CAMTA1: variants seen among roughly 807,000 people sequenced by gnomAD.
The protein encoded by CAMTA1 is calmodulin binding transcription activator 1.
Under a neutral mutation model 170.9 loss-of-function variants are expected in CAMTA1, and 27 were observed. The observed-to-expected ratio is 0.16, with a 90% CI of 0.12 to 0.22. The LOEUF is 0.22. Among genes scored for constraint, CAMTA1 ranks in the 10% least tolerant of loss-of-function variants. CAMTA1 has a pLI of 1.00. For missense variants in CAMTA1, 1,619 were observed against 2,217.2 expected (o/e 0.73, Z 5.42); for synonymous variants, 833 against 891.5 (o/e 0.93, Z 1.17).
intron 3 of CAMTA1, among the ~76,000 whole-genome samples, chr1:6,906,975 C>T (rs936225517): frequency 6.6e-6 from 1 of 152,208 alleles, no homozygotes; most frequent in Admixed American, 6.5e-5. Flanking sequence ...TCCCATCCCC[C>T]GCGTCCCAGC....
intron 6 of CAMTA1, among the ~76,000 whole-genome samples, chr1:7,498,191 A>AGTGAGTGTTGGT (rs112193369): frequency 6.7e-6 from 1 of 148,516 alleles, no homozygotes; most frequent in African/African-American, 2.5e-5. Context: ...TATGAGAGTG[A>AGTGAGTGTTGGT]GTGTGTGTGT....
At chr1:6,985,145 G>A (rs1457686204) in intron 3 of CAMTA1, among the ~76,000 whole-genome samples, 2 of 152,232 alleles carry the variant, frequency 1.3e-5, no homozygotes, top group Non-Finnish European at 2.9e-5. Flanking sequence ...CTGCCCATTT[G>A]GAGCTGTGAG....
intron 3 of CAMTA1, among the ~76,000 whole-genome samples, chr1:6,895,274 A>G (rs1235591661): frequency 6.6e-6 from 1 of 152,230 alleles, no homozygotes; most frequent in African/African-American, 2.4e-5. Flanking sequence ...AGTTCAAGCC[A>G]GAATCTCAGG....
At chr1:6,877,834 T>A (rs184297174) in intron 3 of CAMTA1, among the ~76,000 whole-genome samples, 1 of 152,232 alleles carries the variant, frequency 6.6e-6, no homozygotes. Context: ...GTCACTCTTT[T>A]GTAATGGTGG....
chr1:7,218,321 C>T lies in CAMTA1; in HGVS notation c.303-31170C>T, dbSNP rs551240058. ...ATGGTTGGGATTTTGGGGTAAGTGT[C>T]GTATTCTCATTTTAGTTTTTTTTCT... On this transcript the variant is annotated intron_variant, in intron 4 of 22. Transcript: ENST00000303635. Among the ~76,000 whole-genome samples, 7 of 152,212 alleles carry T rather than the reference C, an allele frequency of 4.6e-5. No homozygotes were observed. In the South Asian group the frequency reaches 1.0e-3, roughly 23 times the overall value.
intron 3 of CAMTA1, among the ~76,000 whole-genome samples, chr1:6,862,584 C>A (rs558078614): frequency 6.6e-5 from 10 of 152,282 alleles, no homozygotes; most frequent in African/African-American, 1.9e-4. Flanking sequence ...GCCAAACCTT[C>A]TTTCTTAGAT....
rs2095863789 is a variant in CAMTA1 at position 7,654,047 on chromosome 1, G to A, written c.665-7679G>A. Among the ~76,000 whole-genome samples, 3 of 152,154 alleles carry A rather than the reference G, an allele frequency of 2.0e-5. No individual in the cohort carries two copies. In the South Asian group the frequency reaches 6.2e-4, roughly 31 times the overall value. The stretch of plus-strand genomic sequence containing the variant: ...GGCCTGAGAATGAGCCAGAGGCGGG[G>A]GCTTGAGCTGGGCTGTGCTGGAAAG... On this transcript the variant is annotated intron_variant, in intron 7 of 22. Transcript: ENST00000303635.
intron 3 of CAMTA1, among the ~76,000 whole-genome samples, chr1:6,913,412 C>A (rs907837688): frequency 5.9e-5 from 9 of 152,160 alleles, no homozygotes; most frequent in African/African-American, 2.2e-4. Context: ...GGCCCTCCAG[C>A]CTTGTTGGGG....
At chr1:7,652,837 G>A (rs2095856453) in intron 7 of CAMTA1, among the ~76,000 whole-genome samples, 1 of 152,212 alleles carries the variant, frequency 6.6e-6, no homozygotes, top group South Asian at 2.1e-4. Flanking sequence ...TGAAAGCCAG[G>A]CAGGTCGCCC....
At chr1:7,095,864 A>C (rs890764000) in intron 4 of CAMTA1, among the ~76,000 whole-genome samples, 2 of 152,254 alleles carry the variant, frequency 1.3e-5, no homozygotes, top group African/African-American at 4.8e-5. Context: ...GGACAGGCAG[A>C]CAGCTGCAAA....
intron 5 of CAMTA1, among the ~76,000 whole-genome samples, chr1:7,457,469 GA>G (rs1409938462): frequency 1.3e-5 from 2 of 152,050 alleles, no homozygotes; most frequent in Non-Finnish European, 2.9e-5. Flanking sequence ...CCTCCTAGGG[GA>G]CTACTAGGTT....
Position 7,552,057 on chromosome 1 carries a change from A to G in CAMTA1, c.510+84156A>G, listed in dbSNP as rs781110502. Among the ~76,000 whole-genome samples, 6 of 152,218 alleles carry G rather than the reference A, an allele frequency of 3.9e-5. No individual in the cohort carries two copies. The South Asian group carries it at 6.2e-4, about 16-fold the overall frequency. ...TCAGAGAGGACCAGTGACTTGCCATAGGTCACACAGTGGGAGACGGTAGAA... is the reference window on the plus strand; with the variant it reads ...TCAGAGAGGACCAGTGACTTGCCATGGGTCACACAGTGGGAGACGGTAGAA... On this transcript the variant is annotated intron_variant, in intron 6 of 22. Coordinates refer to ENST00000303635, the MANE Select transcript of CAMTA1 (RefSeq NM_015215.4).
At chr1:7,686,349 G>A (rs539756766) in intron 11 of CAMTA1, among the ~76,000 whole-genome samples, 2 of 152,280 alleles carry the variant, frequency 1.3e-5, no homozygotes, top group East Asian at 3.9e-4. Context: ...TGTATGAGAA[G>A]GTGATATTCA....
At chr1:6,859,967 T>C (rs1243914407) in intron 3 of CAMTA1, among the ~76,000 whole-genome samples, 1 of 152,258 alleles carries the variant, frequency 6.6e-6, no homozygotes, top group Non-Finnish European at 1.5e-5. Context: ...TTTCTTTGTA[T>C]ATTCCTGCAA....
intron 4 of CAMTA1, among the ~76,000 whole-genome samples, chr1:7,231,499 A>G (rs1022789103): frequency 2.6e-5 from 4 of 152,012 alleles, no homozygotes; most frequent in Non-Finnish European, 4.4e-5. Context: ...TAGTCTCCCA[A>G]GTAGCTGGGA....
intron 1 of CAMTA1, among the ~76,000 whole-genome samples, chr1:6,794,543 T>C (rs1641972304): frequency 6.6e-6 from 1 of 152,218 alleles, no homozygotes; most frequent in African/African-American, 2.4e-5. Context: ...TTAAGCCATA[T>C]GAATGGTAAA....
chr1:7,023,299 C>A (rs529981846), intron 3 of CAMTA1, among the ~76,000 whole-genome samples: 1 of 152,180 alleles, frequency 6.6e-6, no homozygotes, highest in East Asian at 1.9e-4. Context: ...CAGATGTAAG[C>A]GTAAAACTTG....
intron 5 of CAMTA1, among the ~76,000 whole-genome samples, chr1:7,320,039 A>T (rs533651766): frequency 6.6e-6 from 1 of 152,354 alleles, no homozygotes; most frequent in South Asian, 2.1e-4. Flanking sequence ...CAATCATGCC[A>T]TCTGCAAATA....
At chr1:7,374,556 T>C (rs1236508543) in intron 5 of CAMTA1, among the ~76,000 whole-genome samples, 3 of 152,220 alleles carry the variant, frequency 2.0e-5, no homozygotes, top group Non-Finnish European at 2.9e-5. Context: ...GGGAAGAAGA[T>C]TGGAGACTTC....
Sources: gnomAD v4.1 joint callset for allele counts (sites outside exome capture counted in the v4.1 genomes callset) on GRCh38, gnomAD v4.1.1 for gene constraint, MANE v1.5 for transcripts, NCBI Gene and HGNC (gene_info 2026-07-23, HGNC 2026-07-21) for gene names.